PSMF1: variants seen among roughly 807,000 people sequenced by gnomAD.
PSMF1 encodes the protein proteasome inhibitor PI31 subunit.
A neutral mutation model predicts 29.3 loss-of-function variants in PSMF1; 30 were observed. That is an observed-to-expected ratio of 1.02 (90% confidence interval 0.77 to 1.39). The LOEUF (loss-of-function observed/expected upper bound fraction) is 1.39, where lower values mean the gene tolerates loss of function less well. Ranked by LOEUF, PSMF1 falls within the 40% of genes most tolerant of loss-of-function variation. PSMF1 has a pLI of 0.00. For missense variants in PSMF1, 344 were observed against 357.5 expected (o/e 0.96, Z 0.31); for synonymous variants, 134 against 139.7 (o/e 0.96, Z 0.29).
chr20:1,128,489 A>G (rs1600144888), intron 3 of PSMF1, among the ~76,000 whole-genome samples: 1 of 152,332 alleles, frequency 6.6e-6, no homozygotes, highest in East Asian at 1.9e-4. Flanking sequence ...CCTACCAAGA[A>G]CAAACCTATT....
intron 1 of PSMF1, among the ~76,000 whole-genome samples, chr20:1,123,113 ACTCT>A (rs1188486575): frequency 2.6e-5 from 4 of 151,958 alleles, no homozygotes; most frequent in African/African-American, 7.3e-5. Flanking sequence ...GTTTTTCCTC[ACTCT>A]CATTTCTATG....
chr20:1,127,386 A>C (rs1383552090), intron 2 of PSMF1, 40 bp from the exon 3 acceptor site: 2 of 1,487,522 alleles, frequency 1.3e-6, no homozygotes, highest in African/African-American at 1.4e-5. Context: ...TCTTAGCCAG[A>C]AATATCCCAG....
In PSMF1 at chr20:1,171,938, G is replaced by C. The variant is rs2086794338; in HGVS notation, c.*6858G>C. On this transcript the variant is annotated 3_prime_UTR_variant, in exon 7 of 7. Transcript: ENST00000335877. ...TTTGAGTGAGAAGCATGTGAAGAGA[G>C]GGATGGCCCAGGGGCCCTTGGCCAT... 6.6e-6 allele frequency among the ~76,000 whole-genome samples: 1 copy of C among 152,258 alleles called. No homozygotes were observed. The highest frequency in any genetic ancestry group is 1.5e-5 in the Non-Finnish European group (1 of 68,052).
chr20:1,133,840 T>C (rs2086268299), intron 3 of PSMF1, among the ~76,000 whole-genome samples: 1 of 151,890 alleles, frequency 6.6e-6, no homozygotes, highest in Admixed American at 6.6e-5. Context: ...ATCTATTTCA[T>C]TTTGGCTGAG....
At chr20:1,140,064 G>A (rs555126791) in intron 4 of PSMF1, among the ~76,000 whole-genome samples, 23 of 152,286 alleles carry the variant, frequency 1.5e-4, no homozygotes, top group Non-Finnish European at 2.8e-4. Flanking sequence ...GAAAATCCCA[G>A]CAGGTTTTGG....
In PSMF1 at chr20:1,118,782, C is replaced by T. The variant is rs1184944789; in HGVS notation, c.9C>T (p.Gly3=). 3 of 1,610,806 alleles carry T rather than the reference C, an allele frequency of 1.9e-6. No individual in the cohort carries two copies. Among genetic ancestry groups the T allele is most frequent in the Admixed American group, 1.7e-5 (1 of 59,880 alleles). ...CGAAGTCGCGGGCGCTCATGGCGGG[C>T]CTGGAGGTACTGTTCGCATCGGCAG... The part of the protein sequence containing the change: MA[G]LEVLFASAAP... The change falls in exon 1 of 7, where the codon GGC becomes GGT. Residue 3 remains glycine, a synonymous_variant. Coordinates refer to ENST00000335877, the MANE Select transcript of PSMF1 (RefSeq NM_006814.5).
At chr20:1,118,586 T>C, upstream of PSMF1, 2 of 632,182 alleles carry the variant, frequency 3.2e-6, no homozygotes, top group Non-Finnish European at 5.0e-6. Flanking sequence ...TTGCGCCCGC[T>C]GTTGGGACTA....
rs759098441 is a variant in PSMF1 at position 1,134,650 on chromosome 20, C to T, written c.366-471C>T. ...GGGACAGGTGGTAGGGGCAGCCTTCCGAGGACCCCTGAGTTAGTGACAGAA... is the reference window on the plus strand; with the variant it reads ...GGGACAGGTGGTAGGGGCAGCCTTCTGAGGACCCCTGAGTTAGTGACAGAA... On this transcript the variant is annotated intron_variant, in intron 3 of 6. Transcript: ENST00000335877. Among the ~76,000 whole-genome samples the T allele has an allele frequency of 2.2e-4, 34 of 152,152 alleles. No homozygotes were observed. In the South Asian group the frequency reaches 2.3e-3, roughly 10 times the overall value.
chr20:1,127,645 A>G, intron 3 of PSMF1, 137 bp downstream of exon 3: 1 of 717,740 alleles, frequency 1.4e-6, no homozygotes, highest in Non-Finnish European at 2.3e-6. Flanking sequence ...CAACTTCCTA[A>G]TTTTCTTTTC....
chr20:1,114,423 A>G (rs952934770), upstream of PSMF1, among the ~76,000 whole-genome samples: 1 of 152,270 alleles, frequency 6.6e-6, no homozygotes, highest in Admixed American at 6.5e-5. Flanking sequence ...ATACATGTTA[A>G]GACAGGGATG....
Position 1,118,922 on chromosome 20 carries a change from A to G in PSMF1, c.129+20A>G. The G allele has an allele frequency of 1.9e-6, 3 of 1,612,680 alleles. No individual in the cohort carries two copies. The highest frequency in any genetic ancestry group is 1.7e-4 in the Middle Eastern group (1 of 6,046). ...GACCAGGTACGCCACGGAGCCGGCC[A>G]GGGTGGAGGAGGGAACTGTCTTCTG... On this transcript the variant is annotated intron_variant, in intron 1 of 6. Transcript: ENST00000335877.
chr20:1,122,284 CTTTTTCTTTTCTTTTTTTTTTTTTT>C (rs1265554082), intron 1 of PSMF1, among the ~76,000 whole-genome samples: 11 of 134,250 alleles, frequency 8.2e-5, no homozygotes, highest in Non-Finnish European at 1.4e-4. Flanking sequence ...TTTTCTTTTT[CTTTTTCTTTTCTTTTTTTTTTTTTT>C]TTTTTTAATC....
At chr20:1,144,457 A>T (rs374241021) in intron 4 of PSMF1, among the ~76,000 whole-genome samples, 3 of 152,234 alleles carry the variant, frequency 2.0e-5, no homozygotes, top group African/African-American at 7.2e-5. Flanking sequence ...AATTGTGCCC[A>T]CAGAAAAACC....
intron 1 of PSMF1, among the ~76,000 whole-genome samples, chr20:1,121,142 T>TTA (rs2086081937): frequency 1.3e-5 from 2 of 151,486 alleles, no homozygotes; most frequent in African/African-American, 4.8e-5. Context: ...TTTTTTTTTT[T>TTA]AAAAAGGTCC....
chr20:1,144,971 C>T (rs576809387), intron 4 of PSMF1, among the ~76,000 whole-genome samples: 141 of 152,152 alleles, frequency 9.3e-4, no homozygotes, highest in African/African-American at 3.1e-3. Context: ...CTGCAGCCTC[C>T]GCCTCCCGGG....
chr20:1,162,879 A>G (rs754641176), intron 4 of PSMF1, among the ~76,000 whole-genome samples: 5 of 152,188 alleles, frequency 3.3e-5, no homozygotes, highest in Non-Finnish European at 5.9e-5. Context: ...GGAGGTTACC[A>G]ATATTAATAT....
Position 1,166,467 on chromosome 20 carries a change from G to C in PSMF1, c.*1387G>C. 1 of 604,154 alleles carries C rather than the reference G, an allele frequency of 1.7e-6. No individual in the cohort carries two copies. The highest frequency in any genetic ancestry group is 2.8e-5 in the Admixed American group (1 of 35,708). The allele number at this position is 604,154 out of a possible 1,614,324, so 37.4% of individuals were successfully genotyped here. Reference sequence around the variant, plus strand: ...GTAGCTCTTCTGAGGTATCTGCCAGGCTGTTTTCTGTAGCCTCAGATTGCC... The same window carrying C: ...GTAGCTCTTCTGAGGTATCTGCCAGCCTGTTTTCTGTAGCCTCAGATTGCC... On this transcript the variant is annotated 3_prime_UTR_variant, in exon 7 of 7. Transcript: ENST00000335877.
intron 4 of PSMF1, among the ~76,000 whole-genome samples, chr20:1,152,162 G>A (rs1246947854): frequency 6.6e-6 from 1 of 152,128 alleles, no homozygotes; most frequent in Non-Finnish European, 1.5e-5. Context: ...ACTGTGGGCT[G>A]AGCAGTTACA....
chr20:1,135,038 C>T (rs45443791), intron 3 of PSMF1, 83 bp from the exon 4 acceptor site: 152,041 of 1,438,474 alleles, frequency 0.11, 8,800 homozygotes, highest in African/African-American at 0.16. Flanking sequence ...GGGCCGCCGC[C>T]GCCGCCGTCG....
Sources: allele counts gnomAD v4.1 joint callset (sites outside exome capture counted in the v4.1 genomes callset), GRCh38; gene constraint gnomAD v4.1.1; transcripts MANE v1.5; gene names NCBI Gene and HGNC (gene_info 2026-07-23, HGNC 2026-07-21).